ANTXR2: variants seen among roughly 807,000 people sequenced by gnomAD.
The protein encoded by ANTXR2 is ANTXR cell adhesion molecule 2.
Under a neutral mutation model 73.7 loss-of-function variants are expected in ANTXR2, and 44 were observed. That is an observed-to-expected ratio of 0.60 (90% CI 0.47 to 0.77). ANTXR2 has a LOEUF of 0.77. ANTXR2 is among the 30% of genes least tolerant of loss of function. ANTXR2 has a pLI of 0.00. For missense variants in ANTXR2, 604 were observed against 592.5 expected (o/e 1.02, Z -0.20); for synonymous variants, 217 against 205.9 (o/e 1.05, Z -0.46).
chr4:79,927,485 C>A (rs575900311), intron 16 of ANTXR2, among the ~76,000 whole-genome samples: 26 of 152,270 alleles, frequency 1.7e-4, no homozygotes, highest in African/African-American at 6.3e-4. Flanking sequence ...ATAAAATTTG[C>A]ATATAACCTA....
intron 7 of ANTXR2, among the ~76,000 whole-genome samples, chr4:80,043,414 T>C (rs369504388): frequency 2.6e-5 from 4 of 152,038 alleles, no homozygotes; most frequent in Non-Finnish European, 5.9e-5. Context: ...AAGTCTGTCA[T>C]GTATTAACAT....
chr4:80,049,088 A>G (rs1027537748), intron 7 of ANTXR2, among the ~76,000 whole-genome samples: 1 of 150,838 alleles, frequency 6.6e-6, no homozygotes, highest in Non-Finnish European at 1.5e-5. Flanking sequence ...TTCACAACTG[A>G]TTTATTTCTT....
intron 10 of ANTXR2, among the ~76,000 whole-genome samples, chr4:80,025,484 A>G (rs1051464832): frequency 6.6e-6 from 1 of 152,238 alleles, no homozygotes; most frequent in Non-Finnish European, 1.5e-5. Flanking sequence ...ATTAAATAAA[A>G]TTGTGAAAGA....
intron 7 of ANTXR2, among the ~76,000 whole-genome samples, chr4:80,046,474 A>G (rs1733518864): frequency 6.6e-6 from 1 of 151,816 alleles, no homozygotes; most frequent in Admixed American, 6.6e-5. Flanking sequence ...CTTATGAGAT[A>G]AAATAATAAT....
At position 79,904,627 on chromosome 4, in the gene ANTXR2, T is replaced by TG; in HGVS notation, c.*2801dup. ...GACATTGTTATGAAATATATATAGA[T>TG]GCCTTCAAAACTTTCTTTCTAGGCA... On this transcript the variant is annotated 3_prime_UTR_variant, in exon 17 of 17. Coordinates refer to ENST00000403729, the MANE Select transcript of ANTXR2 (RefSeq NM_058172.6). 6.6e-6 allele frequency: 1 copy of TG among 152,252 alleles called. No homozygotes were observed. The highest frequency in any genetic ancestry group is 1.9e-4 in the East Asian group (1 of 5,186). 9.4% of individuals were successfully genotyped at this position (152,252 alleles called of 1,614,324 possible). A position where few individuals can be genotyped will look rare whatever the true frequency, so the allele number is the denominator to read the frequency against.
chr4:79,964,266 C>A (rs1486149333), intron 16 of ANTXR2, among the ~76,000 whole-genome samples: 3 of 152,220 alleles, frequency 2.0e-5, no homozygotes, highest in Non-Finnish European at 4.4e-5. Flanking sequence ...GCTGCGCTTT[C>A]TTCTTTCTTT....
rs534251086 is a variant in ANTXR2 at position 80,062,534 on chromosome 4, C to T, written c.297-6521G>A. 3.9e-5 allele frequency among the ~76,000 whole-genome samples: 6 copies of T among 152,296 alleles called. No individual in the cohort carries two copies. In the South Asian group the frequency reaches 1.0e-3, roughly 26 times the overall value. On this transcript the variant is annotated intron_variant, in intron 3 of 16. Transcript: ENST00000403729. ...CCATCACTAAAATCTGAGTTGCTGC[C>T]CTGCCTGGACCCCTCAGGTTTAGCA...
In ANTXR2 at chr4:79,978,049, G is replaced by C. The variant is rs1383541768; in HGVS notation, c.1305C>G (p.Pro435=). The C allele has an allele frequency of 6.2e-7, 1 of 1,609,908 alleles. No homozygotes were observed. Among genetic ancestry groups the C allele is most frequent in the South Asian group, 1.1e-5 (1 of 90,796 alleles). The change falls in exon 15 of 17, where the codon CCC becomes CCG. Residue 435 remains proline, a synonymous_variant. Coordinates refer to ENST00000403729, the MANE Select transcript of ANTXR2 (RefSeq NM_058172.6). ...PIRPRPPRPK[P]THQPPQTKWY... is the part of the protein sequence containing the mutation. The stretch of plus-strand genomic sequence containing the variant: ...ATTTTGTCTGAGGAGGCTGGTGTGT[G>C]GGTTTGGGTCGAGGTGGTCTAGGCC...
At chr4:79,947,692 T>A (rs568952913) in intron 16 of ANTXR2, among the ~76,000 whole-genome samples, 1 of 152,298 alleles carries the variant, frequency 6.6e-6, no homozygotes, top group African/African-American at 2.4e-5. Context: ...CACTTTTGAG[T>A]GATAACACAA....
chr4:79,956,806 T>C (rs1260502092), intron 16 of ANTXR2, among the ~76,000 whole-genome samples: 5 of 151,862 alleles, frequency 3.3e-5, no homozygotes, highest in Non-Finnish European at 7.4e-5. Flanking sequence ...CATAGAAGCA[T>C]TGGAAGTATT....
At chr4:80,036,415 A>C (rs917556868) in intron 7 of ANTXR2, among the ~76,000 whole-genome samples, 2 of 152,162 alleles carry the variant, frequency 1.3e-5, no homozygotes, top group African/African-American at 4.8e-5. Context: ...CCTGTTTAGT[A>C]ATGCTGTTAT....
At chr4:80,005,600 A>G (rs985599489) in intron 12 of ANTXR2, among the ~76,000 whole-genome samples, 4 of 151,678 alleles carry the variant, frequency 2.6e-5, no homozygotes, top group Admixed American at 1.3e-4. Flanking sequence ...TTGTCACACT[A>G]CCTCCTTTTT....
intron 2 of ANTXR2, among the ~76,000 whole-genome samples, chr4:80,070,804 C>T (rs1374822386): frequency 6.6e-6 from 1 of 151,946 alleles, no homozygotes; most frequent in African/African-American, 2.4e-5. Context: ...TTTAATGATA[C>T]AGTTCCTATT....
intron 11 of ANTXR2, among the ~76,000 whole-genome samples, chr4:80,011,277 ATC>A (rs1731563832): frequency 1.6e-5 from 1 of 60,652 alleles, no homozygotes; most frequent in African/African-American, 3.3e-5. Context: ...CTTGCTATCT[ATC>A]TATCTATCTA....
chr4:80,068,850 G>T (rs1162869943), intron 3 of ANTXR2, among the ~76,000 whole-genome samples: 3 of 152,022 alleles, frequency 2.0e-5, no homozygotes, highest in South Asian at 2.1e-4. Context: ...CACAGAAATG[G>T]TCATATGAAA....
chr4:80,055,419 T>C lies in ANTXR2; in HGVS notation c.427A>G (p.Ile143Val), dbSNP rs1416813620. Residue 143 changes from isoleucine to valine, a missense_variant, in exon 5 of 17, where the codon ATA (isoleucine) becomes GTA (valine). Coordinates refer to ENST00000403729, the MANE Select transcript of ANTXR2 (RefSeq NM_058172.6). The stretch of plus-strand genomic sequence containing the variant: ...AACTTGCCATCTGTCAGAGCAATTA[T>C]GATACTGGAGGTTTTCAAGCCTCCT... ...KAGGLKTSSI[I>V]IALTDGKLDG... 5 of 1,611,234 alleles carry C rather than the reference T, an allele frequency of 3.1e-6. No individual in the cohort carries two copies. The highest frequency in any genetic ancestry group is 1.7e-4 in the Middle Eastern group (1 of 6,040).
intron 16 of ANTXR2, among the ~76,000 whole-genome samples, chr4:79,917,500 A>G (rs1727401227): frequency 6.6e-6 from 1 of 152,140 alleles, no homozygotes; most frequent in Non-Finnish European, 1.5e-5. Context: ...CTCCCAAGGT[A>G]CAGAAAGTTT....
intron 12 of ANTXR2, among the ~76,000 whole-genome samples, chr4:79,990,023 T>G (rs1730389015): frequency 1.3e-5 from 2 of 151,926 alleles, no homozygotes; most frequent in Admixed American, 6.6e-5. Flanking sequence ...CAGCCAACAT[T>G]ATATTGAACA....
intron 12 of ANTXR2, among the ~76,000 whole-genome samples, chr4:80,000,790 C>G (rs1048266613): frequency 1.2e-4 from 18 of 152,070 alleles, no homozygotes; most frequent in African/African-American, 4.3e-4. Context: ...GTTTCACAGA[C>G]ACAGTAATTA....
Sources: allele counts gnomAD v4.1 joint callset (sites outside exome capture counted in the v4.1 genomes callset), GRCh38; gene constraint gnomAD v4.1.1; transcripts MANE v1.5; gene names NCBI Gene and HGNC (gene_info 2026-07-23, HGNC 2026-07-21).